Variants in LRP1B observed in about 807,000 individuals in gnomAD.
LRP1B encodes low-density lipoprotein receptor-related protein 1B.
A neutral mutation model predicts 556.6 loss-of-function variants in LRP1B; 217 were observed. The observed-to-expected ratio is 0.39, with a 90% confidence interval of 0.35 to 0.44. The LOEUF (loss-of-function observed/expected upper bound fraction) is 0.44, where lower values mean the gene tolerates loss of function less well. Among genes scored for constraint, LRP1B ranks in the 20% least tolerant of loss-of-function variants. The probability of loss-of-function intolerance (pLI) is 1.00; values close to 1 mark genes in which losing one functional copy is unlikely to be tolerated. For synonymous variants in LRP1B, 2,047 were observed against 1,865.8 expected, an observed-to-expected ratio of 1.10 and a Z score of -2.50; for missense variants, 5,053 against 5,620.8, an observed-to-expected ratio of 0.90 and a Z score of 3.23.
At chr2:140,538,204 G>A (rs1342673113) in intron 45 of LRP1B, among the ~76,000 whole-genome samples, 1 of 151,910 alleles carries the variant, frequency 6.6e-6, no homozygotes, top group African/African-American at 2.4e-5. Context: ...GTCTATCTAA[G>A]GCTTCTTTTT....
intron 84 of LRP1B, among the ~76,000 whole-genome samples, chr2:140,281,301 C>T (rs1008879352): frequency 2.6e-5 from 4 of 151,928 alleles, no homozygotes; most frequent in African/African-American, 9.7e-5. Flanking sequence ...ACTTATTTCC[C>T]TAATATTTTT....
chr2:140,867,014 G>A (rs1331478020), intron 27 of LRP1B, among the ~76,000 whole-genome samples: 1 of 152,068 alleles, frequency 6.6e-6, no homozygotes, highest in Non-Finnish European at 1.5e-5. Flanking sequence ...CACATATAAT[G>A]AGGAAAAAGT....
chr2:140,501,729 ACT>A lies in LRP1B; in HGVS notation c.8806_8807del (p.Ser2936TrpfsTer14). The A allele has an allele frequency of 6.2e-7, 1 of 1,612,610 alleles. No individual in the cohort carries two copies. Among genetic ancestry groups the A allele is most frequent in the Non-Finnish European group, 8.5e-7 (1 of 1,179,082 alleles). On this transcript the variant is annotated frameshift_variant, in exon 55 of 91. Transcript: ENST00000389484. LOFTEE classifies it high-confidence loss of function. ...HINECLSKKV[S>X]GCSQDCQDLP... Reference sequence around the variant, plus strand: ...GGTCTTGACAGTCTTGAGAACATCCACTGACTTTCTTACTCAAACATTCATTT... The same window carrying A: ...GGTCTTGACAGTCTTGAGAACATCCAGACTTTCTTACTCAAACATTCATTT...
chr2:142,074,821 C>T (rs1282690531), intron 1 of LRP1B, among the ~76,000 whole-genome samples: 1 of 152,094 alleles, frequency 6.6e-6, no homozygotes, highest in Non-Finnish European at 1.5e-5. Context: ...CCCATAACCA[C>T]TACAGTGGTT....
intron 2 of LRP1B, among the ~76,000 whole-genome samples, chr2:141,690,824 G>T (rs1416443159): frequency 6.6e-6 from 1 of 151,746 alleles, no homozygotes; most frequent in Non-Finnish European, 1.5e-5. Context: ...GCATTCAGCT[G>T]CAGTCCATCA....
chr2:141,310,541 T>A (rs1395011331), intron 3 of LRP1B, among the ~76,000 whole-genome samples: 1 of 152,114 alleles, frequency 6.6e-6, no homozygotes, highest in Admixed American at 6.5e-5. Context: ...CACCTAGAGA[T>A]CATAACCTAA....
chr2:140,844,215 C>T (rs1692205937), intron 29 of LRP1B, among the ~76,000 whole-genome samples: 1 of 151,970 alleles, frequency 6.6e-6, no homozygotes, highest in African/African-American at 2.4e-5. Context: ...GCATGCGCCA[C>T]CACGCCCAGC....
At chr2:141,468,523 T>G (rs901802194) in intron 3 of LRP1B, among the ~76,000 whole-genome samples, 1 of 152,342 alleles carries the variant, frequency 6.6e-6, no homozygotes, top group Middle Eastern at 3.4e-3. Context: ...ACAAATTGTA[T>G]ATTTAATTCT....
chr2:141,251,781 C>G (rs1684270641), intron 4 of LRP1B, among the ~76,000 whole-genome samples: 1 of 151,790 alleles, frequency 6.6e-6, no homozygotes, highest in African/African-American at 2.4e-5. Flanking sequence ...AGATGGCACC[C>G]AGAAAATAAA....
chr2:140,310,227 T>C (rs2105026454), intron 83 of LRP1B, among the ~76,000 whole-genome samples: 1 of 151,936 alleles, frequency 6.6e-6, no homozygotes, highest in Admixed American at 6.6e-5. Context: ...GAGTTATAAT[T>C]TCCTATATCA....
chr2:140,626,127 A>G (rs1683648347), intron 41 of LRP1B, among the ~76,000 whole-genome samples: 1 of 152,234 alleles, frequency 6.6e-6, no homozygotes, highest in South Asian at 2.1e-4. Context: ...CAATCTGTAA[A>G]GGCTGCATAC....
At chr2:141,816,530 C>A (rs558015027) in intron 1 of LRP1B, among the ~76,000 whole-genome samples, 32 of 152,274 alleles carry the variant, frequency 2.1e-4, no homozygotes, top group Non-Finnish European at 4.0e-4. Flanking sequence ...CAGCCACAGA[C>A]GAAAGGCTAC....
intron 57 of LRP1B, among the ~76,000 whole-genome samples, chr2:140,491,457 T>C (rs1222495573): frequency 6.6e-6 from 1 of 152,070 alleles, no homozygotes; most frequent in Non-Finnish European, 1.5e-5. Context: ...ATGTGTCTGA[T>C]GCACCTAACT....
intron 1 of LRP1B, among the ~76,000 whole-genome samples, chr2:142,120,524 G>A (rs1707423630): frequency 6.6e-6 from 1 of 152,260 alleles, no homozygotes; most frequent in South Asian, 2.1e-4. Flanking sequence ...AGGAACTTGA[G>A]TGTCAGTACA....
intron 3 of LRP1B, among the ~76,000 whole-genome samples, chr2:141,301,445 C>G (rs777388927): frequency 6.6e-6 from 1 of 152,076 alleles, no homozygotes; most frequent in African/African-American, 2.4e-5. Context: ...GGAAAACTAG[C>G]CTTAGCCTCC....
At chr2:140,784,045 G>T (rs1391837155) in intron 32 of LRP1B, among the ~76,000 whole-genome samples, 1 of 152,122 alleles carries the variant, frequency 6.6e-6, no homozygotes, top group Non-Finnish European at 1.5e-5. Context: ...TGATGCTGCT[G>T]GCCCAGTGGG....
intron 41 of LRP1B, among the ~76,000 whole-genome samples, chr2:140,653,127 G>A (rs1191091627): frequency 2.0e-5 from 3 of 151,986 alleles, no homozygotes; most frequent in Non-Finnish European, 4.4e-5. Flanking sequence ...ACAAACATAG[G>A]ATGCTATATG....
At position 141,987,560 on chromosome 2, in the gene LRP1B, T is replaced by TC. The variant is rs1553498338; in HGVS notation, c.82+143087_82+143088insG. Among the ~76,000 whole-genome samples the TC allele has an allele frequency of 5.3e-3, 803 of 150,900 alleles. 8 individuals carry two copies. Among genetic ancestry groups the TC allele is most frequent in the African/African-American group, 0.018 (736 of 41,144 alleles). On this transcript the variant is annotated intron_variant, in intron 1 of 90. Transcript: ENST00000389484. ...TGCTGATTTAAGCTGTTTTTTTTTT[T>TC]TTTCTTTCTTTTTTCTTTTTCTCTC... is the stretch of plus-strand genomic sequence containing the variant.
intron 63 of LRP1B, among the ~76,000 whole-genome samples, chr2:140,446,536 G>A (rs768022319): frequency 6.6e-6 from 1 of 151,970 alleles, no homozygotes; most frequent in Admixed American, 6.6e-5. Flanking sequence ...GCATCTACCC[G>A]AAAGTGAAAT....
Sources: allele counts gnomAD v4.1 joint callset (sites outside exome capture counted in the v4.1 genomes callset), GRCh38; gene constraint gnomAD v4.1.1; transcripts MANE v1.5; gene names NCBI Gene and HGNC (gene_info 2026-07-23, HGNC 2026-07-21).